The following IFIH1 variants were observed in gnomAD, a reference collection of about 807,000 sequenced individuals.
The protein encoded by IFIH1 is interferon induced with helicase C domain 1, also known as interferon-induced helicase C domain-containing protein 1.
IFIH1 carries 125 observed loss-of-function variants against 107.4 expected under a neutral mutation model. The ratio of observed to expected loss-of-function variants is 1.16; its 90% CI spans 1.01 to 1.35. The LOEUF (loss-of-function observed/expected upper bound fraction) is 1.35. Among genes scored for constraint, IFIH1 ranks in the 40% most tolerant of loss-of-function variants. The probability of loss-of-function intolerance (pLI) is 0.00; values close to 1 mark genes in which losing one functional copy is unlikely to be tolerated. For missense variants in IFIH1, 1,333 were observed against 1,213.7 expected (o/e 1.10, Z -1.46); for synonymous variants, 458 against 413.2 (o/e 1.11, Z -1.31).
chr2:162,277,565 C>G lies in IFIH1; in HGVS notation c.1894G>C (p.Glu632Gln). The part of the protein sequence containing the change: ...AYTHLETFYN[E>Q]EKDKKFAVIE... Reference sequence around the variant, plus strand: ...ACTGCAAACTTCTTATCTTTCTCTTCATTATAGAAAGTTTCAAGATGAGTA... The same window carrying G: ...ACTGCAAACTTCTTATCTTTCTCTTGATTATAGAAAGTTTCAAGATGAGTA... Residue 632 changes from glutamate (E) to glutamine (Q), a missense_variant, in exon 10 of 16, where the codon GAA (glutamate) becomes CAA (glutamine). Coordinates refer to ENST00000649979, the MANE Select transcript of IFIH1 (RefSeq NM_022168.4). 1.9e-6 allele frequency: 3 copies of G among 1,605,132 alleles called. No individual in the cohort carries two copies. Among genetic ancestry groups the G allele is most frequent in the Non-Finnish European group, 2.6e-6 (3 of 1,172,048 alleles).
chr2:162,306,068 A>G (rs1355282702), intron 3 of IFIH1, among the ~76,000 whole-genome samples: 1 of 152,270 alleles, frequency 6.6e-6, no homozygotes, highest in African/African-American at 2.4e-5. Context: ...TTGTGAAAAC[A>G]GAATAAGTCC....
chr2:162,314,415 C>CT (rs374186973), intron 1 of IFIH1, among the ~76,000 whole-genome samples: 20 of 36,720 alleles, frequency 5.4e-4, no homozygotes, highest in Non-Finnish European at 8.2e-4. Flanking sequence ...TTCTTTCTTT[C>CT]TTTTCTTTCT....
chr2:162,268,223 T>C lies in IFIH1; in HGVS notation c.2671A>G (p.Asn891Asp). The C allele has an allele frequency of 6.2e-7, 1 of 1,612,884 alleles. No individual in the cohort carries two copies. Among genetic ancestry groups the C allele is most frequent in the Non-Finnish European group, 8.5e-7 (1 of 1,179,146 alleles). Reference sequence around the variant, plus strand: ...TTATTCTTGTAATGCTTGGCAATATTTCTCTTGGTTTTCATTTTCTTTTCC... The same window carrying C: ...TTATTCTTGTAATGCTTGGCAATATCTCTCTTGGTTTTCATTTTCTTTTCC... ...IMEKKMKTKR[N>D]IAKHYKNNPS... The change falls in exon 14 of 16, where the codon AAT (asparagine) becomes GAT (aspartate). Residue 891 changes from asparagine to aspartate, a missense_variant. Coordinates refer to ENST00000649979, the MANE Select transcript of IFIH1 (RefSeq NM_022168.4).
At chr2:162,271,583 G>A (rs1194474145) in intron 13 of IFIH1, among the ~76,000 whole-genome samples, 1 of 152,066 alleles carries the variant, frequency 6.6e-6, no homozygotes, top group African/African-American at 2.4e-5. Flanking sequence ...TTGTGCACAT[G>A]TACGCTAGAA....
chr2:162,304,567 C>T (rs1683247685), intron 3 of IFIH1, among the ~76,000 whole-genome samples: 1 of 152,060 alleles, frequency 6.6e-6, no homozygotes, highest in African/African-American at 2.4e-5. Flanking sequence ...CTATTTATGA[C>T]AATGAATTGA....
At chr2:162,285,414 C>G (rs1016103650) in intron 5 of IFIH1, among the ~76,000 whole-genome samples, 10 of 151,966 alleles carry the variant, frequency 6.6e-5, no homozygotes, top group African/African-American at 2.2e-4. Context: ...TTGGGCCAAA[C>G]ACAAGATTCA....
chr2:162,307,887 CAAAAT>C (rs1683315038), intron 2 of IFIH1, among the ~76,000 whole-genome samples: 1 of 152,116 alleles, frequency 6.6e-6, no homozygotes, highest in Admixed American at 6.6e-5. Context: ...ATTTAAGTCT[CAAAAT>C]AAACCTAGAT....
intron 3 of IFIH1, among the ~76,000 whole-genome samples, chr2:162,302,112 C>T (rs1434240436): frequency 6.6e-6 from 1 of 152,096 alleles, no homozygotes; most frequent in Non-Finnish European, 1.5e-5. Context: ...GATATGTCAC[C>T]TCTAGTGCCA....
In IFIH1 at chr2:162,306,838, G is replaced by A. The variant is rs1683290367; in HGVS notation, c.640C>T (p.Gln214Ter). 6.2e-7 allele frequency: 1 copy of A among 1,613,638 alleles called. No individual in the cohort carries two copies. Among genetic ancestry groups the A allele is most frequent in the Admixed American group, 1.7e-5 (1 of 59,992 alleles). Residue 214 changes from glutamine to a stop codon, truncating the protein, a stop_gained, in exon 3 of 16, where the codon CAA becomes TAA. Transcript: ENST00000649979. LOFTEE classifies it high-confidence loss of function. ...TCTTCCACTTGAGGACCATCAACTT[G>A]TGATAAATTCTCAATCTCTGTGAAT... ...ESNAEIENLS[Q>*]VDGPQVEEQL...
chr2:162,269,065 G>A (rs1033240615), intron 13 of IFIH1, among the ~76,000 whole-genome samples: 2 of 151,940 alleles, frequency 1.3e-5, no homozygotes, highest in African/African-American at 4.8e-5. Context: ...ATCTTAATCA[G>A]TCTACTCTTT....
intron 5 of IFIH1, 135 bp from the exon 6 acceptor site, chr2:162,282,711 C>T (rs1207770409): frequency 1.6e-6 from 1 of 608,408 alleles, no homozygotes; most frequent in African/African-American, 1.9e-5. Flanking sequence ...AACAACGTTC[C>T]CATCACTCCT....
At position 162,267,839 on chromosome 2, in the gene IFIH1, C is replaced by T. The variant is rs772212516; in HGVS notation, c.2807+248G>A. Among the ~76,000 whole-genome samples the T allele has an allele frequency of 5.3e-5, 8 of 152,146 alleles. No homozygotes were observed. The East Asian group carries it at 5.8e-4, about 11-fold the overall frequency. ...CTTTAGTTGTTCAAAAATTTGAGAA[C>T]AAATGATGAGCATACAAAAATACGT... On this transcript the variant is annotated intron_variant, in intron 14 of 15. Coordinates refer to ENST00000649979, the MANE Select transcript of IFIH1 (RefSeq NM_022168.4).
intron 1 of IFIH1, 131 bp downstream of exon 1, chr2:162,317,724 G>T: frequency 1.4e-6 from 1 of 708,862 alleles, no homozygotes; most frequent in Non-Finnish European, 2.4e-6. Flanking sequence ...GTGCCTAGAT[G>T]TTGTCTTCTC....
chr2:162,295,722 T>G (rs1281834486), intron 3 of IFIH1, among the ~76,000 whole-genome samples: 1 of 151,904 alleles, frequency 6.6e-6, no homozygotes, highest in African/African-American at 2.4e-5. Context: ...ACTGAGAGAT[T>G]TAAAATATGG....
Position 162,310,809 on chromosome 2 carries a change from A to G in IFIH1, c.578T>C (p.Leu193Pro). 1 of 1,613,828 alleles carries G rather than the reference A, an allele frequency of 6.2e-7. No homozygotes were observed. Among genetic ancestry groups the G allele is most frequent in the Non-Finnish European group, 8.5e-7 (1 of 1,179,820 alleles). Reference protein sequence around the residue: ...NVLRQTGNNELVQELTGSDCS... With the variant: ...NVLRQTGNNEPVQELTGSDCS... ...ATCAGAGCCTGTTAACTCTTGGACA[A>G]GTTCATTGTTTCCTGTTTGACGAAG... Residue 193 changes from leucine (L) to proline (P), a missense_variant, in exon 2 of 16, where the codon CTT (leucine) becomes CCT (proline). By Grantham distance (98) the Leu-to-Pro change is moderately conservative (BLOSUM62 -3). Coordinates refer to ENST00000649979, the MANE Select transcript of IFIH1 (RefSeq NM_022168.4).
At chr2:162,285,232 T>C (rs1170202541) in intron 5 of IFIH1, among the ~76,000 whole-genome samples, 1 of 152,050 alleles carries the variant, frequency 6.6e-6, no homozygotes, top group South Asian at 2.1e-4. Context: ...TCTCTCATGA[T>C]GTTGAAGCCC....
At position 162,318,524 on chromosome 2, in the gene IFIH1, CG is replaced by C; in HGVS notation, c.-218del. On this transcript the variant is annotated 5_prime_UTR_variant, in exon 1 of 16. Coordinates refer to ENST00000649979, the MANE Select transcript of IFIH1 (RefSeq NM_022168.4). ...GGTGGGCAGGCGGGCAGGTGGGCAG[CG>C]GGGCGGCGCGCGGGGCCGCGGCAGG... 1 of 314,394 alleles carries C rather than the reference CG, an allele frequency of 3.2e-6. No individual in the cohort carries two copies. The highest frequency in any genetic ancestry group is 5.7e-6 in the Non-Finnish European group (1 of 175,572). 19.5% of individuals were successfully genotyped at this position (314,394 alleles called of 1,614,324 possible). A position where few individuals can be genotyped will look rare whatever the true frequency, so the allele number is the denominator to read the frequency against.
At chr2:162,294,321 A>G (rs1467006293) in intron 3 of IFIH1, among the ~76,000 whole-genome samples, 1 of 151,998 alleles carries the variant, frequency 6.6e-6, no homozygotes, top group Admixed American at 6.6e-5. Context: ...CACATCCTTC[A>G]TTTATGAATC....
At chr2:162,303,267 ACC>A (rs1299149066) in intron 3 of IFIH1, among the ~76,000 whole-genome samples, 6 of 152,158 alleles carry the variant, frequency 3.9e-5, no homozygotes, top group African/African-American at 1.4e-4. Flanking sequence ...GGCATCTGCC[ACC>A]ATGCTCGGCT....
Sources: allele counts gnomAD v4.1 joint callset (sites outside exome capture counted in the v4.1 genomes callset), GRCh38; gene constraint gnomAD v4.1.1; transcripts MANE v1.5; gene names NCBI Gene and HGNC (gene_info 2026-07-23, HGNC 2026-07-21).